Variants in ADAM28 observed in about 807,000 individuals in gnomAD.
The protein encoded by ADAM28 is disintegrin and metalloproteinase domain-containing protein 28.
Under a neutral mutation model 101.2 loss-of-function variants are expected in ADAM28, and 105 were observed. The ratio of observed to expected loss-of-function variants is 1.04; its 90% confidence interval spans 0.89 to 1.22. The LOEUF is 1.22. Ranked by LOEUF, ADAM28 falls within the 50% of genes most tolerant of loss-of-function variation. The pLI, the probability that ADAM28 is intolerant of heterozygous loss-of-function variation, is 0.00. For synonymous variants in ADAM28, 322 were observed against 310.6 expected (o/e 1.04, Z -0.39); for missense variants, 1,028 against 945.4 (o/e 1.09, Z -1.15).
chr8:24,297,629 T>C (rs1211056731), intron 1 of ADAM28, among the ~76,000 whole-genome samples: 1 of 152,232 alleles, frequency 6.6e-6, no homozygotes, highest in African/African-American at 2.4e-5. Flanking sequence ...ACTAATTGCA[T>C]TGATTAGCTA....
rs189845117 is a variant in ADAM28 at position 24,299,733 on chromosome 8, C to T, written c.47-241C>T. ...AATACTTTCTCTAAATACAGTAACA[C>T]CTGTAAACTTTTAGTGGGGAAGGAT... On this transcript the variant is annotated intron_variant, in intron 1 of 22. Coordinates refer to ENST00000265769, the MANE Select transcript of ADAM28 (RefSeq NM_014265.6). The T allele has an allele frequency of 1.9e-4, 60 of 312,034 alleles. 1 individual carries two copies. In the East Asian group the frequency reaches 2.7e-3, roughly 14 times the overall value. 19.3% of individuals were successfully genotyped at this position (312,034 alleles called of 1,614,324 possible). A position where few individuals can be genotyped will look rare whatever the true frequency, so the allele number is the denominator to read the frequency against.
intron 18 of ADAM28, among the ~76,000 whole-genome samples, chr8:24,346,018 C>A (rs781542422): frequency 7.9e-5 from 12 of 151,962 alleles, no homozygotes; most frequent in Non-Finnish European, 1.8e-4. Flanking sequence ...TCTTATCTAA[C>A]CATCAAGGAA....
At chr8:24,310,295 G>C (rs925783599) in intron 4 of ADAM28, 54 bp downstream of exon 4, 1 of 1,532,952 alleles carries the variant, frequency 6.5e-7, no homozygotes. Context: ...CAGACCTAAA[G>C]GTAGTGTCCT....
intron 12 of ADAM28, 61 bp from the exon 13 acceptor site, chr8:24,332,599 T>G: frequency 1.1e-6 from 1 of 909,614 alleles, no homozygotes; most frequent in African/African-American, 1.7e-5. Flanking sequence ...ATGTTACAAA[T>G]TGTGCTGAAC....
chr8:24,302,594 C>T (rs1808932374), intron 2 of ADAM28, among the ~76,000 whole-genome samples: 1 of 152,132 alleles, frequency 6.6e-6, no homozygotes, highest in Admixed American at 6.5e-5. Flanking sequence ...ACAGCCTTGC[C>T]AGCATCTATT....
intron 2 of ADAM28, 87 bp downstream of exon 2, chr8:24,300,164 T>C (rs1294458320): frequency 1.3e-5 from 15 of 1,116,540 alleles, no homozygotes; most frequent in Admixed American, 6.6e-5. Flanking sequence ...GAGATAGATA[T>C]GGGATTTATA....
At chr8:24,346,783 C>T (rs542719349) in intron 18 of ADAM28, among the ~76,000 whole-genome samples, 14 of 152,190 alleles carry the variant, frequency 9.2e-5, no homozygotes, top group African/African-American at 3.1e-4. Flanking sequence ...CTGATCTCCC[C>T]TCTTTCTCTA....
intron 18 of ADAM28, among the ~76,000 whole-genome samples, chr8:24,348,039 C>A (rs565472454): frequency 6.6e-6 from 1 of 152,044 alleles, no homozygotes; most frequent in Non-Finnish European, 1.5e-5. Flanking sequence ...TACTGATGTA[C>A]TTGGGTATAA....
At chr8:24,306,361 T>TATATATATATATATATATTTAA (rs1809638746) in intron 2 of ADAM28, among the ~76,000 whole-genome samples, 1 of 115,390 alleles carries the variant, frequency 8.7e-6, no homozygotes, top group African/African-American at 3.7e-5. Context: ...AATAAATAAA[T>TATATATATATATATATATTTAA]AAATATATAT....
chr8:24,345,281 A>G (rs1238309263), intron 18 of ADAM28, among the ~76,000 whole-genome samples: 1 of 151,944 alleles, frequency 6.6e-6, no homozygotes, highest in Non-Finnish European at 1.5e-5. Flanking sequence ...TAGGTTTTAA[A>G]ATTTATTTTC....
At chr8:24,335,912 A>C in intron 14 of ADAM28, 2 of 1,136,770 alleles carry the variant, frequency 1.8e-6, no homozygotes, top group Non-Finnish European at 2.2e-6. Context: ...TATCCCATGC[A>C]ATATTTGAGG....
At chr8:24,298,958 G>A (rs1038154391) in intron 1 of ADAM28, among the ~76,000 whole-genome samples, 1 of 151,904 alleles carries the variant, frequency 6.6e-6, no homozygotes, top group African/African-American at 2.4e-5. Flanking sequence ...TTGGGAGGCC[G>A]AGCCAGGAGG....
At chr8:24,343,656 G>C (rs1815062874) in intron 18 of ADAM28, 72 bp downstream of exon 18, 3 of 1,314,170 alleles carry the variant, frequency 2.3e-6, no homozygotes, top group Non-Finnish European at 3.3e-6. Flanking sequence ...TATTATATGA[G>C]ATTTCACTGC....
chr8:24,351,609 C>T (rs1816154330), intron 20 of ADAM28: 1 of 501,392 alleles, frequency 2.0e-6, no homozygotes, highest in Non-Finnish European at 3.6e-6. Flanking sequence ...CACACACACT[C>T]CCTCTAGCTT....
chr8:24,313,295 G>A, intron 5 of ADAM28, 93 bp from the exon 6 acceptor site: 1 of 1,215,784 alleles, frequency 8.2e-7, no homozygotes, highest in East Asian at 2.5e-5. Context: ...CATTGACTAG[G>A]AATTTTAAAG....
chr8:24,298,563 G>A (rs1316650684), intron 1 of ADAM28, among the ~76,000 whole-genome samples: 1 of 152,064 alleles, frequency 6.6e-6, no homozygotes, highest in Non-Finnish European at 1.5e-5. Flanking sequence ...CCTCATCTAT[G>A]TTTGTTAAAA....
At position 24,294,137 on chromosome 8, in the gene ADAM28, G is replaced by A. The variant is rs1807641769; in HGVS notation, c.-13G>A. 1 of 1,614,028 alleles carries A rather than the reference G, an allele frequency of 6.2e-7. No homozygotes were observed. The highest frequency in any genetic ancestry group is 8.5e-7 in the Non-Finnish European group (1 of 1,179,960). On this transcript the variant is annotated 5_prime_UTR_variant, in exon 1 of 23. Transcript: ENST00000265769. ...CGAGAAGAGCAGACACCGTGCTCCTGGAATCACCCAGCATGTTGCAAGGTC... is the reference window on the plus strand; with the variant it reads ...CGAGAAGAGCAGACACCGTGCTCCTAGAATCACCCAGCATGTTGCAAGGTC...
rs960181374 is a variant in ADAM28 at position 24,355,054 on chromosome 8, T to C, written c.*650T>C. 10 of 152,592 alleles carry C rather than the reference T, an allele frequency of 6.6e-5. No individual in the cohort carries two copies. The highest frequency in any genetic ancestry group is 2.4e-4 in the African/African-American group (10 of 41,448). The allele number at this position is 152,592 out of a possible 1,614,324, so 9.5% of individuals were successfully genotyped here. ...GTTAAATTAATAGGATAAACCAGGT[T>C]GCGAACTGGTGACCTGTAGGCCATG... On this transcript the variant is annotated 3_prime_UTR_variant, in exon 23 of 23. Transcript: ENST00000265769.
chr8:24,313,229 A>T (rs1265902400), intron 5 of ADAM28, among the ~76,000 whole-genome samples, 159 bp from the exon 6 acceptor site: 1 of 152,186 alleles, frequency 6.6e-6, no homozygotes, highest in East Asian at 1.9e-4. Flanking sequence ...TCTTCAAGGT[A>T]TCTTCAGCTG....
Sources: allele counts gnomAD v4.1 joint callset (sites outside exome capture counted in the v4.1 genomes callset), GRCh38; gene constraint gnomAD v4.1.1; transcripts MANE v1.5; gene names NCBI Gene and HGNC (gene_info 2026-07-23, HGNC 2026-07-21).